The following TMEM132C variants were observed in gnomAD, a reference collection of about 807,000 sequenced individuals.
The protein encoded by TMEM132C is transmembrane protein 132C.
TMEM132C carries 29 observed loss-of-function variants against 61.4 expected under a neutral mutation model. The ratio of observed to expected loss-of-function variants is 0.47; its 90% CI spans 0.35 to 0.64. TMEM132C has a LOEUF of 0.64. TMEM132C is among the 30% of genes least tolerant of loss of function. The pLI, the probability that TMEM132C is intolerant of heterozygous loss-of-function variation, is 0.00. For missense variants in TMEM132C, 1,408 were observed against 1,476.9 expected (o/e 0.95, Z 0.76); for synonymous variants, 656 against 633.1 (o/e 1.04, Z -0.54).
chr12:128,422,349 G>T (rs79677703), intron 2 of TMEM132C, among the ~76,000 whole-genome samples: 1 of 152,162 alleles, frequency 6.6e-6, no homozygotes, highest in Non-Finnish European at 1.5e-5. Context: ...GGTTATTAAC[G>T]TGAAGAACTT....
chr12:128,503,914 C>T (rs1293978741), intron 2 of TMEM132C, among the ~76,000 whole-genome samples: 1 of 152,212 alleles, frequency 6.6e-6, no homozygotes, highest in Admixed American at 6.5e-5. Context: ...TTATGGGGAT[C>T]AAGAACTTGG....
chr12:128,658,292 G>T (rs772658620), intron 4 of TMEM132C, among the ~76,000 whole-genome samples: 1 of 152,212 alleles, frequency 6.6e-6, no homozygotes, highest in Non-Finnish European at 1.5e-5. Flanking sequence ...ATGAAGCCAC[G>T]ATGGTCGCTG....
intron 2 of TMEM132C, among the ~76,000 whole-genome samples, chr12:128,503,072 C>T (rs144043431): frequency 3.3e-4 from 51 of 152,282 alleles, no homozygotes; most frequent in African/African-American, 1.2e-3. Flanking sequence ...GTTCTCAGAG[C>T]GATGGCATCT....
chr12:128,409,571 A>G (rs1318444393), intron 1 of TMEM132C, among the ~76,000 whole-genome samples: 3 of 152,188 alleles, frequency 2.0e-5, no homozygotes, highest in Non-Finnish European at 4.4e-5. Flanking sequence ...CCCCAGTTTT[A>G]AAAAATTGAG....
intron 2 of TMEM132C, among the ~76,000 whole-genome samples, chr12:128,428,358 TCTC>T (rs1343116844): frequency 1.3e-5 from 2 of 152,134 alleles, no homozygotes; most frequent in Non-Finnish European, 2.9e-5. Flanking sequence ...TTGTTCTCCT[TCTC>T]CTGCTGGTTC....
intron 4 of TMEM132C, among the ~76,000 whole-genome samples, chr12:128,643,056 T>C (rs1437248048): frequency 6.6e-6 from 1 of 152,154 alleles, no homozygotes; most frequent in Non-Finnish European, 1.5e-5. Context: ...CTTTCTTGAA[T>C]TTGCCAGAAA....
intron 8 of TMEM132C, among the ~76,000 whole-genome samples, chr12:128,700,722 T>C (rs1954797893): frequency 2.6e-5 from 4 of 152,132 alleles, no homozygotes; most frequent in Admixed American, 2.0e-4. Context: ...GAAAGTAGGA[T>C]CGAAAAATGA....
chr12:128,690,326 C>T (rs1954710423), intron 5 of TMEM132C, among the ~76,000 whole-genome samples: 1 of 152,128 alleles, frequency 6.6e-6, no homozygotes, highest in Non-Finnish European at 1.5e-5. Context: ...GTTTTGGTTC[C>T]TTTTTGTAGA....
chr12:128,399,555 T>G (rs946608204), intron 1 of TMEM132C, among the ~76,000 whole-genome samples: 3 of 152,130 alleles, frequency 2.0e-5, no homozygotes, highest in Admixed American at 2.0e-4. Context: ...TTCCAAACTG[T>G]TTTGGAGGCA....
intron 1 of TMEM132C, among the ~76,000 whole-genome samples, chr12:128,348,698 A>G (rs983215058): frequency 1.3e-5 from 2 of 152,194 alleles, no homozygotes; most frequent in African/African-American, 4.8e-5. Context: ...TTTCCAGCCA[A>G]CCAAGAAGAC....
chr12:128,337,509 C>T (rs1199580022), intron 1 of TMEM132C, among the ~76,000 whole-genome samples: 4 of 152,126 alleles, frequency 2.6e-5, no homozygotes, highest in South Asian at 4.1e-4. Flanking sequence ...TCCACCAATA[C>T]GAAATGTTTT....
At chr12:128,433,700 G>T (rs1327938847) in intron 2 of TMEM132C, among the ~76,000 whole-genome samples, 1 of 152,122 alleles carries the variant, frequency 6.6e-6, no homozygotes, top group Non-Finnish European at 1.5e-5. Context: ...GAAACCCCCT[G>T]GGAAATTTGG....
At chr12:128,647,363 T>G (rs1273174431) in intron 4 of TMEM132C, among the ~76,000 whole-genome samples, 2 of 148,206 alleles carry the variant, frequency 1.3e-5, no homozygotes, top group African/African-American at 2.5e-5. Flanking sequence ...GTTTACTAGA[T>G]CCCATCAGCA....
chr12:128,456,658 T>C (rs552679402), intron 2 of TMEM132C, among the ~76,000 whole-genome samples: 3 of 152,202 alleles, frequency 2.0e-5, no homozygotes, highest in South Asian at 2.1e-4. Context: ...TTCGCCCACA[T>C]TGGCCTTTCA....
intron 3 of TMEM132C, among the ~76,000 whole-genome samples, chr12:128,587,621 T>C (rs1875599473): frequency 6.6e-6 from 1 of 152,242 alleles, no homozygotes; most frequent in Admixed American, 6.5e-5. Flanking sequence ...AAAGTGAGAA[T>C]GTGATTGCAT....
intron 5 of TMEM132C, among the ~76,000 whole-genome samples, chr12:128,686,098 ATGTGTGTGCATG>A (rs1245491945): frequency 2.0e-5 from 3 of 147,244 alleles, no homozygotes; most frequent in South Asian, 2.2e-4. Flanking sequence ...TTGTGTGCGC[ATGTGTGTGCATG>A]TGTGTGTGCA....
Position 128,415,393 on chromosome 12 carries a change from C to T in TMEM132C, c.747C>T (p.Gly249=). 3 of 1,550,230 alleles carry T rather than the reference C, an allele frequency of 1.9e-6. No homozygotes were observed. Among genetic ancestry groups the T allele is most frequent in the South Asian group, 1.2e-5 (1 of 83,824 alleles). Reference sequence around the variant, plus strand: ...GTGCCGGGGGTGACTTCAGGAAGGGCAACGCCATCCGTCCAGGAAAGGATG... The same window carrying T: ...GTGCCGGGGGTGACTTCAGGAAGGGTAACGCCATCCGTCCAGGAAAGGATG... The part of the protein sequence containing the change: ...GDCAGGDFRK[G]NAIRPGKDGL... The change falls in exon 2 of 9, where the codon GGC becomes GGT. Residue 249 remains glycine (G), a synonymous_variant. Transcript: ENST00000435159. The surrounding 1 kb of genome is among the most constrained non-coding windows in gnomAD (Gnocchi z 5.8).
At chr12:128,536,007 G>A (rs530648126) in intron 2 of TMEM132C, among the ~76,000 whole-genome samples, 1 of 152,306 alleles carries the variant, frequency 6.6e-6, no homozygotes, top group East Asian at 1.9e-4. Flanking sequence ...TCTAGAGCTA[G>A]AATTACCATT....
chr12:128,323,608 C>G (rs79718914), intron 1 of TMEM132C, among the ~76,000 whole-genome samples: 3,234 of 152,326 alleles, frequency 0.021, 108 homozygotes, highest in African/African-American at 0.074. Flanking sequence ...AGATGCACCT[C>G]TGTCGCCTCC....
Sources: allele counts gnomAD v4.1 joint callset (sites outside exome capture counted in the v4.1 genomes callset), GRCh38; gene constraint gnomAD v4.1.1; non-coding constraint Gnocchi (gnomAD v3.1); transcripts MANE v1.5; gene names NCBI Gene and HGNC (gene_info 2026-07-23, HGNC 2026-07-21).